Variants in EMC3 observed in about 807,000 individuals in gnomAD.
EMC3 encodes ER membrane protein complex subunit 3, also known as 30 kDa protein.
A neutral mutation model predicts 36.6 loss-of-function variants in EMC3; 13 were observed. The observed-to-expected ratio is 0.35, with a 90% CI of 0.23 to 0.56. EMC3 has a LOEUF of 0.56. Ranked by LOEUF, EMC3 falls within the 20% of genes least tolerant of loss-of-function variation. The probability of loss-of-function intolerance (pLI) is 0.84; values close to 1 mark genes in which losing one functional copy is unlikely to be tolerated. For synonymous variants in EMC3, 120 were observed against 111.9 expected, an observed-to-expected ratio of 1.07 and a Z score of -0.46; for missense variants, 220 against 324.5, an observed-to-expected ratio of 0.68 and a Z score of 2.47.
chr3:9,984,385 G>A (rs527264338), intron 1 of EMC3, among the ~76,000 whole-genome samples: 29 of 151,798 alleles, frequency 1.9e-4, no homozygotes, highest in Non-Finnish European at 3.7e-4. Flanking sequence ...CGGCCAGTAA[G>A]TTGACTTCTT....
At chr3:9,967,143 T>C (rs567449980) in intron 7 of EMC3, among the ~76,000 whole-genome samples, 35 of 152,258 alleles carry the variant, frequency 2.3e-4, no homozygotes, top group African/African-American at 7.0e-4. Context: ...ATGAGTAATA[T>C]CATGCAATAT....
chr3:10,000,913 T>C (rs1358587498), intron 1 of EMC3: 3 of 431,788 alleles, frequency 6.9e-6, no homozygotes, highest in East Asian at 1.4e-4. Flanking sequence ...GGCACACTTC[T>C]GAACAAAAAT....
chr3:10,006,301 C>G (rs758134266), intron 1 of EMC3: 2 of 152,210 alleles, frequency 1.3e-5, no homozygotes, highest in Non-Finnish European at 2.9e-5. Flanking sequence ...CCTTTGCATA[C>G]TATTAAAATA....
At chr3:10,005,885 G>A (rs2086256923) in intron 1 of EMC3, among the ~76,000 whole-genome samples, 1 of 152,144 alleles carries the variant, frequency 6.6e-6, no homozygotes, top group South Asian at 2.1e-4. Flanking sequence ...CCTTCCTCCC[G>A]GGGTTCCCAC....
At chr3:10,010,718 C>A (rs1484506087) in intron 1 of EMC3, among the ~76,000 whole-genome samples, 2 of 152,186 alleles carry the variant, frequency 1.3e-5, no homozygotes, top group Non-Finnish European at 2.9e-5. Context: ...GGACTGGGAG[C>A]CCTTCACCCC....
intron 7 of EMC3, among the ~76,000 whole-genome samples, chr3:9,967,931 C>T (rs891281546): frequency 1.3e-5 from 2 of 151,654 alleles, no homozygotes; most frequent in African/African-American, 2.4e-5. Context: ...AAGGCCATTT[C>T]TTTTTTTTTG....
rs779667562 is a variant in EMC3, at chr3:9,964,094, T to C, written c.761A>G (p.Lys254Arg). ...KDLHFEGMFK[K>R]ELQTSIF ...TCAAAAAATAGAGGTCTGTAATTCC[T>C]TTTTGAACATGCCTTCGAAGTGGAG... is the stretch of plus-strand genomic sequence containing the variant. The change falls in exon 8 of 8, where the codon AAG becomes AGG. Residue 254 changes from lysine to arginine, a missense_variant. Physicochemically the swap from Lys to Arg is conservative, Grantham distance 26 (BLOSUM62 2). Around this residue, in one of 3 missense-constraint regions of EMC3, gnomAD observed 37 missense variants for 32.9 expected, o/e 1.13. Transcript: ENST00000245046. 1 of 1,614,062 alleles carries C rather than the reference T, an allele frequency of 6.2e-7. No homozygotes were observed. Among genetic ancestry groups the C allele is most frequent in the Non-Finnish European group, 8.5e-7 (1 of 1,180,016 alleles).
chr3:9,986,402 T>C (rs1020405462), intron 1 of EMC3, 105 bp downstream of exon 1: 3 of 1,365,178 alleles, frequency 2.2e-6, no homozygotes, highest in African/African-American at 2.9e-5. Context: ...GGTCACCCTG[T>C]CAGAGGGGGC....
chr3:9,990,842 A>T (rs113117713), upstream of EMC3, among the ~76,000 whole-genome samples: 12 of 119,742 alleles, frequency 1.0e-4, no homozygotes, highest in African/African-American at 4.0e-4. Flanking sequence ...TTATTTATTT[A>T]TTTTTTGAGA....
At position 9,963,511 on chromosome 3, in the gene EMC3, G is replaced by T. The variant is rs1443037082; in HGVS notation, c.*558C>A. On this transcript the variant is annotated 3_prime_UTR_variant, in exon 8 of 8. Coordinates refer to ENST00000245046, the MANE Select transcript of EMC3 (RefSeq NM_001394674.1). ...TTTTTTTCAGATGGAGTTTTGCTCT[G>T]TCGCCCAGGCTGGAGCGCAGTGGCA... 4 of 117,242 alleles carry T rather than the reference G, an allele frequency of 3.4e-5. No homozygotes were observed. Among genetic ancestry groups the T allele is most frequent in the African/African-American group, 1.4e-4 (4 of 29,102 alleles). 7.3% of individuals were successfully genotyped at this position (117,242 alleles called of 1,614,324 possible). A position where few individuals can be genotyped will look rare whatever the true frequency, so the allele number is the denominator to read the frequency against.
upstream of EMC3, chr3:9,988,035 C>G: frequency 5.5e-6 from 4 of 723,494 alleles, no homozygotes; most frequent in African/African-American, 3.5e-5. Context: ...AATTGCCACC[C>G]TTTTCCTCAC....
At position 9,993,007 on chromosome 3, in the gene EMC3, A is replaced by G. The variant is rs1200390883; in HGVS notation, c.-241-6105T>C. On this transcript the variant is annotated intron_variant, in intron 1 of 8. Coordinates refer to the EMC3 transcript ENST00000470827. ...CTCCAGAGTACATTCTCTGTTCATT[A>G]CTTAGTAAGTGTCAGAGACTATTGA... 2.9e-6 allele frequency: 4 copies of G among 1,394,054 alleles called. No homozygotes were observed. In the East Asian group the frequency reaches 9.1e-5, roughly 32 times the overall value. 86.4% of individuals were successfully genotyped at this position (1,394,054 alleles called of 1,614,324 possible). A position where few individuals can be genotyped will look rare whatever the true frequency, so the allele number is the denominator to read the frequency against.
At chr3:9,965,420 A>C (rs1002952427) in intron 7 of EMC3, among the ~76,000 whole-genome samples, 17 of 82,728 alleles carry the variant, frequency 2.1e-4, no homozygotes, top group African/African-American at 3.6e-4. Flanking sequence ...GACCCTCGAT[A>C]GATAGATAGA....
At chr3:9,988,514 T>C (rs1245303940), upstream of EMC3, 2 of 1,027,234 alleles carry the variant, frequency 1.9e-6, no homozygotes, top group African/African-American at 1.6e-5. Context: ...AAGGAGGAAA[T>C]GAGTGGCAAT....
chr3:9,998,045 C>G lies in EMC3; in HGVS notation c.-241-11143G>C, dbSNP rs567603495. On this transcript the variant is annotated intron_variant, in intron 1 of 8. Coordinates refer to the EMC3 transcript ENST00000470827. ...ACGTGGTCTCCAATTTCTCCATATT[C>G]TTGCTAACATTTATTTTCCTTTCTT... 5.2e-4 allele frequency among the ~76,000 whole-genome samples: 79 copies of G among 152,134 alleles called. 1 individual carries two copies. The highest frequency in any genetic ancestry group is 8.8e-4 in the Non-Finnish European group (60 of 67,982).
intron 1 of EMC3, chr3:10,003,600 A>G (rs1420944775): frequency 4.6e-6 from 1 of 215,924 alleles, no homozygotes; most frequent in Non-Finnish European, 9.5e-6. Flanking sequence ...TCACATGCTG[A>G]TTGGGACCCA....
At chr3:9,993,361 A>G (rs555992762) in intron 1 of EMC3, among the ~76,000 whole-genome samples, 1 of 152,146 alleles carries the variant, frequency 6.6e-6, no homozygotes, top group Admixed American at 6.6e-5. Flanking sequence ...ACTGGAATTT[A>G]TAAACTGGGA....
Position 9,963,635 on chromosome 3 carries a change from G to C in EMC3, c.*434C>G, listed in dbSNP as rs984247580. The C allele has an allele frequency of 1.3e-5, 2 of 153,700 alleles. No homozygotes were observed. The highest frequency in any genetic ancestry group is 2.9e-5 in the Non-Finnish European group (2 of 69,354). The allele number at this position is 153,700 out of a possible 1,614,324, so 9.5% of individuals were successfully genotyped here. On this transcript the variant is annotated 3_prime_UTR_variant, in exon 8 of 8. Coordinates refer to ENST00000245046, the MANE Select transcript of EMC3 (RefSeq NM_001394674.1). ...ATTACAGGTGCCCACCACCACGCCC[G>C]GCTAATTTTTTTTTGTATTTTTAGT...
intron 1 of EMC3, chr3:10,006,495 G>A (rs2086263237): frequency 2.0e-5 from 3 of 153,590 alleles, no homozygotes; most frequent in Admixed American, 6.5e-5. Flanking sequence ...GGGGTACAAT[G>A]TGGAATGAGG....
Sources: allele counts gnomAD v4.1 joint callset (sites outside exome capture counted in the v4.1 genomes callset), GRCh38; gene constraint gnomAD v4.1.1; regional missense constraint gnomAD v4.1.1; transcripts MANE v1.5; gene names NCBI Gene and HGNC (gene_info 2026-07-23, HGNC 2026-07-21).